The following KAT14 variants were observed in gnomAD, a reference collection of about 807,000 sequenced individuals.
KAT14 encodes cysteine-rich protein 2-binding protein.
A neutral mutation model predicts 78.4 loss-of-function variants in KAT14; 66 were observed. That is an observed-to-expected ratio of 0.84 (90% CI 0.69 to 1.03). The LOEUF is 1.03. Among genes scored for constraint, KAT14 ranks in the 50% least tolerant of loss-of-function variants. The probability of loss-of-function intolerance (pLI) is 0.00; values close to 1 mark genes in which losing one functional copy is unlikely to be tolerated. For synonymous variants in KAT14, 344 were observed against 359.4 expected (o/e 0.96, Z 0.48); for missense variants, 870 against 972.5 (o/e 0.89, Z 1.40).
chr20:18,158,446 C>T (rs928674471), intron 4 of KAT14, among the ~76,000 whole-genome samples: 2 of 152,156 alleles, frequency 1.3e-5, no homozygotes, highest in African/African-American at 4.8e-5. Flanking sequence ...ATAGAACAGT[C>T]GCCTTGAAAG....
At chr20:18,156,113 T>C (rs1224856582) in intron 4 of KAT14, among the ~76,000 whole-genome samples, 1 of 152,002 alleles carries the variant, frequency 6.6e-6, no homozygotes, top group East Asian at 1.9e-4. Context: ...GAGGACATTA[T>C]GCTGTGTGAA....
chr20:18,141,759 C>A (rs1314049768), intron 1 of KAT14, among the ~76,000 whole-genome samples: 1 of 152,164 alleles, frequency 6.6e-6, no homozygotes, highest in Non-Finnish European at 1.5e-5. Context: ...TGATGCACGC[C>A]TGTAGTCTCA....
chr20:18,168,361 C>T (rs141818344), intron 7 of KAT14, among the ~76,000 whole-genome samples: 7,835 of 152,094 alleles, frequency 0.052, 253 homozygotes, highest in Middle Eastern at 0.092. Flanking sequence ...AACCCCGTCT[C>T]TACTAAAAAT....
chr20:18,164,902 A>C (rs1389604564), intron 7 of KAT14, among the ~76,000 whole-genome samples: 1 of 152,114 alleles, frequency 6.6e-6, no homozygotes, highest in Non-Finnish European at 1.5e-5. Flanking sequence ...GATTACAGGC[A>C]TGAGCCATTG....
chr20:18,187,420 A>G lies in KAT14; in HGVS notation c.2307A>G (p.Thr769=). The G allele has an allele frequency of 1.2e-6, 2 of 1,614,230 alleles. No individual in the cohort carries two copies. The highest frequency in any genetic ancestry group is 1.1e-5 in the South Asian group (1 of 91,080). Residue 769 remains threonine (T), a synonymous_variant, in exon 11 of 11, where the codon ACA becomes ACG. Coordinates refer to ENST00000688188, the MANE Select transcript of KAT14 (RefSeq NM_001392073.1). ...FYDKYYPLES[T]ECKHAFFLRL... is the part of the protein sequence containing the mutation. The stretch of plus-strand genomic sequence containing the variant: ...ATAAATATTACCCATTGGAGAGTAC[A>G]GAGTGTAAACACGCATTCTTTCTGA...
chr20:18,138,099 A>T (rs957139434), intron 1 of KAT14, 48 bp downstream of exon 1: 1 of 1,425,354 alleles, frequency 7.0e-7, no homozygotes, highest in East Asian at 3.0e-5. Flanking sequence ...CGCGGCGTCG[A>T]CCTGGGGCCT....
chr20:18,168,521 C>T (rs565668925), intron 7 of KAT14, among the ~76,000 whole-genome samples: 2 of 151,796 alleles, frequency 1.3e-5, no homozygotes, highest in South Asian at 4.2e-4. Context: ...GGGTGAGACT[C>T]TCTCTCAAAA....
chr20:18,181,906 TC>T, intron 8 of KAT14, 60 bp downstream of exon 8: 1 of 1,599,070 alleles, frequency 6.3e-7, no homozygotes, highest in Non-Finnish European at 8.5e-7. Context: ...GATTGTGGTT[TC>T]TGTGCCCTGT....
intron 1 of KAT14, 51 bp downstream of exon 1, chr20:18,138,102 T>TG (rs2037364926): frequency 7.0e-7 from 1 of 1,426,830 alleles, no homozygotes; most frequent in African/African-American, 1.5e-5. Context: ...GGCGTCGACC[T>TG]GGGGCCTCTC....
intron 4 of KAT14, among the ~76,000 whole-genome samples, chr20:18,151,168 G>A (rs546923157): frequency 2.0e-4 from 30 of 151,994 alleles, no homozygotes; most frequent in Admixed American, 1.1e-3. Flanking sequence ...GGGATTACAG[G>A]TGTGCACCAA....
At chr20:18,175,899 C>T (rs1298435932) in intron 7 of KAT14, among the ~76,000 whole-genome samples, 1 of 150,454 alleles carries the variant, frequency 6.6e-6, no homozygotes, top group Non-Finnish European at 1.5e-5. Flanking sequence ...ACATGTGCTA[C>T]TTAGGAGGCT....
chr20:18,138,702 T>C (rs2037399965), intron 1 of KAT14, among the ~76,000 whole-genome samples: 1 of 152,198 alleles, frequency 6.6e-6, no homozygotes, highest in Non-Finnish European at 1.5e-5. Flanking sequence ...CAGATTTTTT[T>C]TTTTGGTACT....
chr20:18,179,010 G>A (rs111471581), intron 7 of KAT14, among the ~76,000 whole-genome samples: 1,573 of 152,216 alleles, frequency 0.01, 25 homozygotes, highest in African/African-American at 0.036. Flanking sequence ...CAAAACAAAG[G>A]GGTTACAGGG....
chr20:18,185,132 G>A (rs1157661543), intron 10 of KAT14, among the ~76,000 whole-genome samples: 1 of 152,132 alleles, frequency 6.6e-6, no homozygotes, highest in Non-Finnish European at 1.5e-5. Context: ...CATCACCTTC[G>A]CAACTCAGAG....
rs2038456532 is a variant in KAT14, at chr20:18,162,254, G to A, written c.1099+15G>A. 6.2e-7 allele frequency: 1 copy of A among 1,613,336 alleles called. No homozygotes were observed. Among genetic ancestry groups the A allele is most frequent in the African/African-American group, 1.3e-5 (1 of 75,014 alleles). On this transcript the variant is annotated intron_variant, in intron 6 of 10. Coordinates refer to ENST00000688188, the MANE Select transcript of KAT14 (RefSeq NM_001392073.1). ...CTTGTTTCATGGTAAGAGTTTGTTT[G>A]CTTTGCTCTTTTATTTTGGGTATGG... is the stretch of plus-strand genomic sequence containing the variant.
At chr20:18,138,531 A>G in intron 1 of KAT14, 1 of 881,108 alleles carries the variant, frequency 1.1e-6, no homozygotes. Context: ...AATGTGTTTT[A>G]CGTGCTATTG....
chr20:18,139,675 T>TGTGTGTGTGTGTG (rs1568660988), intron 1 of KAT14, among the ~76,000 whole-genome samples: 6 of 103,816 alleles, frequency 5.8e-5, no homozygotes, highest in Non-Finnish European at 6.7e-5. Flanking sequence ...TGTGTGTGTG[T>TGTGTGTGTGTGTG]TTATTTTTTT....
At chr20:18,184,459 G>T in intron 9 of KAT14, 143 bp from the exon 10 acceptor site, 3 of 731,326 alleles carry the variant, frequency 4.1e-6, no homozygotes, top group South Asian at 2.1e-5. Flanking sequence ...TGGTTGTGTG[G>T]TCTCTATGTT....
At chr20:18,176,080 G>A (rs1193763673) in intron 7 of KAT14, among the ~76,000 whole-genome samples, 4 of 151,212 alleles carry the variant, frequency 2.6e-5, no homozygotes, top group African/African-American at 9.7e-5. Context: ...GAGGTGGGCA[G>A]ATCATGATGT....
Sources: gnomAD v4.1 joint callset for allele counts (sites outside exome capture counted in the v4.1 genomes callset) on GRCh38, gnomAD v4.1.1 for gene constraint, MANE v1.5 for transcripts, NCBI Gene and HGNC (gene_info 2026-07-23, HGNC 2026-07-21) for gene names.